NLRP2: variants seen among roughly 807,000 people sequenced by gnomAD.
The protein encoded by NLRP2 is NACHT, LRR and PYD domains-containing protein 2.
A neutral mutation model predicts 97.2 loss-of-function variants in NLRP2; 107 were observed. The ratio of observed to expected loss-of-function variants is 1.10; its 90% CI spans 0.94 to 1.29. The LOEUF (loss-of-function observed/expected upper bound fraction) is 1.29, where lower values mean the gene tolerates loss of function less well. Ranked by LOEUF, NLRP2 falls within the 50% of genes most tolerant of loss-of-function variation. The probability of loss-of-function intolerance (pLI) is 0.00; values close to 1 mark genes in which losing one functional copy is unlikely to be tolerated. For synonymous variants in NLRP2, 663 were observed against 551.5 expected, an observed-to-expected ratio of 1.20 and a Z score of -2.83; for missense variants, 1,495 against 1,330.3, an observed-to-expected ratio of 1.12 and a Z score of -1.93.
chr19:54,985,750 C>G (rs1374162211), intron 7 of NLRP2, among the ~76,000 whole-genome samples: 1 of 150,818 alleles, frequency 6.6e-6, no homozygotes, highest in Non-Finnish European at 1.5e-5. Flanking sequence ...AGTCCCAGCA[C>G]TTTGGGGGCC....
chr19:54,994,082 C>T (rs2072658841), intron 10 of NLRP2, 187 bp from the exon 11 acceptor site: 1 of 684,234 alleles, frequency 1.5e-6, no homozygotes, highest in Non-Finnish European at 2.6e-6. Flanking sequence ...TCGCAGGTGC[C>T]AGGAGTTGGG....
At chr19:54,977,407 G>A (rs2071305333) in intron 3 of NLRP2, among the ~76,000 whole-genome samples, 2 of 151,330 alleles carry the variant, frequency 1.3e-5, no homozygotes, top group African/African-American at 4.8e-5. Context: ...GGCAACAAGA[G>A]CAAAACTACA....
chr19:54,989,719 C>A, intron 8 of NLRP2: 2 of 505,700 alleles, frequency 4.0e-6, no homozygotes, highest in Non-Finnish European at 7.2e-6. Flanking sequence ...CGCGGTGGCT[C>A]ACGCCTGTCA....
intron 8 of NLRP2, among the ~76,000 whole-genome samples, chr19:54,989,006 A>G (rs1032418973): frequency 4.0e-5 from 6 of 151,816 alleles, no homozygotes; most frequent in African/African-American, 1.5e-4. Flanking sequence ...CGCCCAGGCT[A>G]GAGTGCAGTG....
At chr19:54,986,943 G>A (rs1357047867) in intron 8 of NLRP2, among the ~76,000 whole-genome samples, 1 of 151,798 alleles carries the variant, frequency 6.6e-6, no homozygotes, top group African/African-American at 2.4e-5. Context: ...GGAGTGCGTT[G>A]GTATGATCTC....
chr19:54,981,477 A>AT, intron 4 of NLRP2, 140 bp from the exon 5 acceptor site: 1 of 681,556 alleles, frequency 1.5e-6, no homozygotes, highest in Non-Finnish European at 2.7e-6. Flanking sequence ...CGGAAAACAC[A>AT]TTTGTAGCTT....
intron 9 of NLRP2, 154 bp downstream of exon 9, chr19:54,990,346 C>T: frequency 1.8e-6 from 2 of 1,129,182 alleles, no homozygotes; most frequent in Non-Finnish European, 2.7e-6. Flanking sequence ...GAATTTTGTT[C>T]TTCTCTCATT....
In NLRP2 at chr19:54,990,201, C is replaced by T. The variant is rs764594129; in HGVS notation, c.2537+9C>T. On this transcript the variant is annotated intron_variant, in intron 9 of 12. Coordinates refer to ENST00000448584, the MANE Select transcript of NLRP2 (RefSeq NM_017852.5). ...TTTCTGCAGAGGTTGTCGTAAGTCTCTCCTCTCTTACAGAGCAGCTGTGCT... is the reference window on the plus strand; with the variant it reads ...TTTCTGCAGAGGTTGTCGTAAGTCTTTCCTCTCTTACAGAGCAGCTGTGCT... 5 of 1,613,874 alleles carry T rather than the reference C, an allele frequency of 3.1e-6. No homozygotes were observed. Among genetic ancestry groups the T allele is most frequent in the South Asian group, 1.1e-5 (1 of 91,072 alleles).
intron 4 of NLRP2, among the ~76,000 whole-genome samples, chr19:54,980,784 C>T (rs939417475): frequency 2.0e-5 from 3 of 152,140 alleles, no homozygotes; most frequent in African/African-American, 7.2e-5. Flanking sequence ...GCCAGGAAGG[C>T]CAAACATCTT....
intron 8 of NLRP2, among the ~76,000 whole-genome samples, chr19:54,987,739 CAAAAAAAAAAAAAA>C (rs146853071): frequency 8.3e-6 from 1 of 120,234 alleles, no homozygotes; most frequent in East Asian, 2.4e-4. Flanking sequence ...GAGACTGTCT[CAAAAAAAAAAAAAA>C]AAATCTTGGC....
chr19:54,979,047 C>T (rs1163928844), intron 4 of NLRP2, among the ~76,000 whole-genome samples: 1 of 151,410 alleles, frequency 6.6e-6, no homozygotes, highest in Non-Finnish European at 1.5e-5. Context: ...TGCAGTGGCC[C>T]CATCTTGGCT....
At chr19:54,975,867 C>T (rs1167210820) in intron 3 of NLRP2, among the ~76,000 whole-genome samples, 2 of 152,134 alleles carry the variant, frequency 1.3e-5, no homozygotes, top group Non-Finnish European at 2.9e-5. Flanking sequence ...CCTCTTACCT[C>T]AGCCTCCTGA....
intron 6 of NLRP2, among the ~76,000 whole-genome samples, chr19:54,984,329 G>GTGTGTTTTTT: frequency 1.1e-4 from 9 of 79,672 alleles, no homozygotes; most frequent in Admixed American, 1.5e-4. Flanking sequence ...TTTTTTTTGT[G>GTGTGTTTTTT]TTTTTTTTTT....
chr19:54,994,128 C>T (rs139672532), intron 10 of NLRP2, 141 bp from the exon 11 acceptor site: 14 of 925,590 alleles, frequency 1.5e-5, no homozygotes, highest in Non-Finnish European at 2.3e-5. Context: ...TTCTTCTGTC[C>T]ACCACACCAC....
At chr19:54,998,611 CTTTTTTTTT>C (rs375510249) in intron 12 of NLRP2, among the ~76,000 whole-genome samples, 2 of 42,218 alleles carry the variant, frequency 4.7e-5, no homozygotes, top group African/African-American at 1.7e-4. Flanking sequence ...CATCTTTTTT[CTTTTTTTTT>C]TTTTTTTTTC....
At chr19:54,979,181 C>A (rs142038337) in intron 4 of NLRP2, among the ~76,000 whole-genome samples, 1 of 151,900 alleles carries the variant, frequency 6.6e-6, no homozygotes, top group African/African-American at 2.4e-5. Context: ...GATGGGGTTT[C>A]AACAGGGTAG....
rs558518586 is a variant in NLRP2, at chr19:54,975,106, G to GTTTTTTTTTTTTTTTTTT, written c.325+582_325+599dup. 8.2e-4 allele frequency among the ~76,000 whole-genome samples: 48 copies of GTTTTTTTTTTTTTTTTTT among 58,704 alleles called. 11 individuals carry two copies. The highest frequency in any genetic ancestry group is 1.3e-3 in the South Asian group (2 of 1,504). The allele number at this position is 58,704 out of a possible 152,430, so 38.5% of individuals were successfully genotyped here. A position where few individuals can be genotyped will look rare whatever the true frequency, so the allele number is the denominator to read the frequency against. On this transcript the variant is annotated intron_variant, in intron 3 of 12. Coordinates refer to ENST00000448584, the MANE Select transcript of NLRP2 (RefSeq NM_017852.5). The stretch of plus-strand genomic sequence containing the variant: ...ATGAGCCACCACCACACCCGGTTTT[G>GTTTTTTTTTTTTTTTTTT]TTTTTTTTTTTTTTTTTTTTTTTTT...
At chr19:54,981,795 C>T in intron 5 of NLRP2, 113 bp downstream of exon 5, 7 of 780,254 alleles carry the variant, frequency 9.0e-6, no homozygotes, top group South Asian at 2.8e-5. Context: ...ATGTATGTAT[C>T]GAGACGGAGT....
intron 8 of NLRP2, among the ~76,000 whole-genome samples, chr19:54,987,771 G>A (rs761913684): frequency 1.3e-5 from 2 of 151,106 alleles, no homozygotes; most frequent in African/African-American, 4.9e-5. Flanking sequence ...GGCTGGGTGC[G>A]GTAGCTCATG....
Sources: allele counts gnomAD v4.1 joint callset (sites outside exome capture counted in the v4.1 genomes callset), GRCh38; gene constraint gnomAD v4.1.1; transcripts MANE v1.5; gene names NCBI Gene and HGNC (gene_info 2026-07-23, HGNC 2026-07-21).